The following KLF17 variants were observed in gnomAD, a reference collection of about 807,000 sequenced individuals.
The protein encoded by KLF17 is Krueppel-like factor 17.
Under a neutral mutation model 34.2 loss-of-function variants are expected in KLF17, and 31 were observed. That is an observed-to-expected ratio of 0.91 (90% CI 0.68 to 1.22). KLF17 has a LOEUF of 1.22. Ranked by LOEUF, KLF17 falls within the 50% of genes most tolerant of loss-of-function variation. The pLI is 0.00. For synonymous variants in KLF17, 179 were observed against 186.7 expected (o/e 0.96, Z 0.34); for missense variants, 478 against 505.2 (o/e 0.95, Z 0.52).
chr1:44,046,473 G>A, the KLF17 span, among the ~76,000 whole-genome samples: 1 of 151,106 alleles, frequency 6.6e-6, no homozygotes, highest in African/African-American at 2.4e-5. Flanking sequence ...CCTCTTCCTT[G>A]GCCTCCCAAA....
At chr1:44,082,358 C>T in the KLF17 span, among the ~76,000 whole-genome samples, 2 of 152,224 alleles carry the variant, frequency 1.3e-5, no homozygotes, top group African/African-American at 4.8e-5. Flanking sequence ...GGAACTAATC[C>T]ATTTTGAATG....
At chr1:44,105,830 AC>A in the KLF17 span, among the ~76,000 whole-genome samples, 1 of 151,902 alleles carries the variant, frequency 6.6e-6, no homozygotes, top group African/African-American at 2.4e-5. Context: ...GGTTCACGGA[AC>A]CCCACTTTGG....
chr1:44,090,080 T>C, the KLF17 span, among the ~76,000 whole-genome samples: 1 of 147,078 alleles, frequency 6.8e-6, no homozygotes, highest in East Asian at 2.0e-4. Flanking sequence ...AAGGCTGCAG[T>C]GAGCTCTGAC....
At chr1:44,096,718 ATT>A in the KLF17 span, among the ~76,000 whole-genome samples, 1 of 151,760 alleles carries the variant, frequency 6.6e-6, no homozygotes, top group African/African-American at 2.4e-5. Flanking sequence ...TTAAAAAAAA[ATT>A]TTTTTAATTT....
chr1:44,055,429 T>C, the KLF17 span, among the ~76,000 whole-genome samples: 2 of 152,196 alleles, frequency 1.3e-5, no homozygotes, highest in Non-Finnish European at 2.9e-5. Context: ...TGGAAGACCA[T>C]ACATTTTCCC....
the KLF17 span, among the ~76,000 whole-genome samples, chr1:44,082,939 CTTTT>C: frequency 3.7e-4 from 48 of 129,618 alleles, no homozygotes; most frequent in Admixed American, 3.2e-4. Flanking sequence ...TGTCTTTAAA[CTTTT>C]TTTTTTTTTT....
chr1:44,127,165 T>A (rs1232729740), intron 1 of KLF17, among the ~76,000 whole-genome samples: 1 of 151,324 alleles, frequency 6.6e-6, no homozygotes, highest in Admixed American at 6.6e-5. Context: ...CACCTGGGCC[T>A]CCCAAAGAGC....
chr1:44,050,559 A>G, the KLF17 span, among the ~76,000 whole-genome samples: 1 of 152,160 alleles, frequency 6.6e-6, no homozygotes, highest in African/African-American at 2.4e-5. Flanking sequence ...CACACTGCCT[A>G]TGGGGTAGCC....
At chr1:44,083,272 T>C in the KLF17 span, among the ~76,000 whole-genome samples, 2 of 146,364 alleles carry the variant, frequency 1.4e-5, no homozygotes, top group African/African-American at 2.5e-5. Flanking sequence ...GAGGTGAGAA[T>C]TGAGTAGGGT....
At chr1:44,045,815 T>C in the KLF17 span, among the ~76,000 whole-genome samples, 3 of 152,124 alleles carry the variant, frequency 2.0e-5, no homozygotes, top group Non-Finnish European at 4.4e-5. Context: ...CCTGAGCCCA[T>C]TTTCATCCAG....
chr1:44,097,632 T>C, the KLF17 span, among the ~76,000 whole-genome samples: 49,386 of 151,972 alleles, frequency 0.32, 8,180 homozygotes, highest in South Asian at 0.38. Context: ...GGGTACATTA[T>C]AGGTATATTC....
chr1:44,083,721 G>C, the KLF17 span, among the ~76,000 whole-genome samples: 3 of 149,074 alleles, frequency 2.0e-5, no homozygotes, highest in Non-Finnish European at 4.4e-5. Flanking sequence ...TTGAAGACGG[G>C]AGTTGGAGGT....
chr1:44,099,889 GAA>G, the KLF17 span, among the ~76,000 whole-genome samples: 2 of 57,376 alleles, frequency 3.5e-5, no homozygotes, highest in African/African-American at 1.1e-4. Flanking sequence ...AAGAAAGAAA[GAA>G]AGAAAGAAAG....
chr1:44,078,342 C>T, the KLF17 span, among the ~76,000 whole-genome samples: 309 of 152,254 alleles, frequency 2.0e-3, 3 homozygotes, highest in Non-Finnish European at 2.0e-3. Context: ...TGCTTTGTCA[C>T]CTGACACAAT....
At chr1:44,071,240 G>A in the KLF17 span, among the ~76,000 whole-genome samples, 1 of 152,094 alleles carries the variant, frequency 6.6e-6, no homozygotes, top group Non-Finnish European at 1.5e-5. Flanking sequence ...ACTTCCTCAA[G>A]GTTCTTCTTC....
At chr1:44,046,861 A>G in the KLF17 span, among the ~76,000 whole-genome samples, 5 of 152,094 alleles carry the variant, frequency 3.3e-5, no homozygotes, top group African/African-American at 7.2e-5. Context: ...GGTCTCTACT[A>G]AAAATACAAA....
chr1:44,108,786 C>G, the KLF17 span, among the ~76,000 whole-genome samples: 3 of 150,724 alleles, frequency 2.0e-5, no homozygotes, highest in African/African-American at 7.3e-5. Flanking sequence ...CTGCCTCAGC[C>G]TCCCAAGTAG....
At chr1:44,073,177 A>G in the KLF17 span, among the ~76,000 whole-genome samples, 4 of 151,202 alleles carry the variant, frequency 2.6e-5, no homozygotes, top group Non-Finnish European at 4.4e-5. Flanking sequence ...AGGGAAAGTT[A>G]GGATCATGAG....
chr1:44,090,897 G>C, the KLF17 span, among the ~76,000 whole-genome samples: 1 of 151,308 alleles, frequency 6.6e-6, no homozygotes, highest in Admixed American at 6.6e-5. Context: ...AAACTTGCAG[G>C]AGATACAATT....
Sources: allele counts gnomAD v4.1 joint callset (sites outside exome capture counted in the v4.1 genomes callset), GRCh38; gene constraint gnomAD v4.1.1; transcripts MANE v1.5; gene names NCBI Gene and HGNC (gene_info 2026-07-23, HGNC 2026-07-21).